The following PTPRD variants were observed in gnomAD, a reference collection of about 807,000 sequenced individuals.
PTPRD encodes the protein receptor-type tyrosine-protein phosphatase delta.
A neutral mutation model predicts 214.5 loss-of-function variants in PTPRD; 34 were observed. The observed-to-expected ratio is 0.16, with a 90% CI of 0.12 to 0.21. The LOEUF is 0.21. Ranked by LOEUF, PTPRD falls within the 10% of genes least tolerant of loss-of-function variation. The pLI, the probability that PTPRD is intolerant of heterozygous loss-of-function variation, is 1.00. For synonymous variants in PTPRD, 1,128 were observed against 845.7 expected (o/e 1.33, Z -5.79); for missense variants, 2,545 against 2,398.7 (o/e 1.06, Z -1.27).
chr9:10,328,112 C>G (rs569776428), intron 3 of PTPRD, among the ~76,000 whole-genome samples: 1 of 151,726 alleles, frequency 6.6e-6, no homozygotes, highest in African/African-American at 2.4e-5. Flanking sequence ...TCAGTTGGCC[C>G]TATACAGATC....
intron 4 of PTPRD, among the ~76,000 whole-genome samples, chr9:9,976,131 C>G (rs2095342001): frequency 2.0e-5 from 3 of 152,114 alleles, no homozygotes; most frequent in Admixed American, 6.6e-5. Flanking sequence ...TCCCCCACAT[C>G]CATATACATC....
intron 12 of PTPRD, among the ~76,000 whole-genome samples, chr9:8,699,741 T>C (rs2098028457): frequency 6.6e-6 from 1 of 151,092 alleles, no homozygotes; most frequent in African/African-American, 2.4e-5. Context: ...AGAATCTTTA[T>C]TGAAAAGAAA....
chr9:8,746,472 GGAAA>G (rs1273002582), intron 11 of PTPRD, among the ~76,000 whole-genome samples: 1 of 152,054 alleles, frequency 6.6e-6, no homozygotes, highest in African/African-American at 2.4e-5. Context: ...TGAGACCTCT[GGAAA>G]GACTTTTTAA....
intron 9 of PTPRD, among the ~76,000 whole-genome samples, chr9:9,373,820 CT>C (rs2060132515): frequency 6.6e-6 from 1 of 151,954 alleles, no homozygotes; most frequent in Non-Finnish European, 1.5e-5. Context: ...TCTCTGGGGA[CT>C]TTTTTCAGCC....
At chr9:9,661,093 C>T (rs1416598225) in intron 7 of PTPRD, among the ~76,000 whole-genome samples, 2 of 151,934 alleles carry the variant, frequency 1.3e-5, no homozygotes, top group Non-Finnish European at 2.9e-5. Flanking sequence ...AAACACTATT[C>T]TATTAATTTT....
chr9:10,409,436 T>A (rs1289942345), intron 2 of PTPRD, among the ~76,000 whole-genome samples: 2 of 151,756 alleles, frequency 1.3e-5, no homozygotes, highest in Non-Finnish European at 2.9e-5. Flanking sequence ...TGTTATCACA[T>A]CACTCAATTT....
chr9:9,066,847 A>C (rs1440464702), intron 10 of PTPRD, among the ~76,000 whole-genome samples: 1 of 152,222 alleles, frequency 6.6e-6, no homozygotes, highest in Non-Finnish European at 1.5e-5. Context: ...ATTTTGACCC[A>C]GTGACTCTGA....
intron 11 of PTPRD, among the ~76,000 whole-genome samples, chr9:8,835,362 C>CCCAAGCA (rs886874491): frequency 6.6e-6 from 1 of 152,196 alleles, no homozygotes; most frequent in Non-Finnish European, 1.5e-5. Flanking sequence ...GAATAACGCA[C>CCCAAGCA]CCAAGCACCA....
intron 7 of PTPRD, among the ~76,000 whole-genome samples, chr9:9,659,068 G>C (rs2096574578): frequency 6.6e-6 from 1 of 151,926 alleles, no homozygotes; most frequent in South Asian, 2.1e-4. Context: ...AAAGAAAAGA[G>C]GTGAAGATAT....
intron 5 of PTPRD, among the ~76,000 whole-genome samples, chr9:9,874,400 A>C (rs756605644): frequency 6.6e-6 from 1 of 152,178 alleles, no homozygotes; most frequent in Non-Finnish European, 1.5e-5. Flanking sequence ...CAGGATATCA[A>C]TATTATATAC....
intron 10 of PTPRD, among the ~76,000 whole-genome samples, chr9:9,128,657 G>A (rs1297111184): frequency 1.3e-5 from 2 of 152,170 alleles, no homozygotes; most frequent in East Asian, 3.8e-4. Context: ...GAGTGTTCAT[G>A]TATACAATAC....
chr9:8,793,991 T>C (rs188860909), intron 11 of PTPRD, among the ~76,000 whole-genome samples: 2 of 152,280 alleles, frequency 1.3e-5, no homozygotes, highest in African/African-American at 4.8e-5. Flanking sequence ...AGCACAGCTG[T>C]GATATTGATA....
intron 8 of PTPRD, among the ~76,000 whole-genome samples, chr9:9,555,069 G>A (rs1191937863): frequency 6.6e-6 from 1 of 151,976 alleles, no homozygotes; most frequent in Non-Finnish European, 1.5e-5. Context: ...AAAGTGGTTT[G>A]TTTAAAGGCA....
chr9:9,438,673 T>A (rs2086277748), intron 8 of PTPRD, among the ~76,000 whole-genome samples: 1 of 152,312 alleles, frequency 6.6e-6, no homozygotes, highest in South Asian at 2.1e-4. Flanking sequence ...CTACTGGATA[T>A]TATGAATTAG....
At chr9:10,388,437 C>G (rs2097970869) in intron 2 of PTPRD, among the ~76,000 whole-genome samples, 1 of 146,356 alleles carries the variant, frequency 6.8e-6, no homozygotes, top group Admixed American at 6.9e-5. Flanking sequence ...ATAGTAGATG[C>G]TTAATGAATA....
At chr9:8,646,554 C>T (rs187404456) in intron 12 of PTPRD, among the ~76,000 whole-genome samples, 1 of 152,090 alleles carries the variant, frequency 6.6e-6, no homozygotes, top group South Asian at 2.1e-4. Flanking sequence ...TGCCTTCTTT[C>T]CCACTTTTGA....
At chr9:9,059,010 A>G (rs992877437) in intron 10 of PTPRD, among the ~76,000 whole-genome samples, 1 of 152,176 alleles carries the variant, frequency 6.6e-6, no homozygotes, top group East Asian at 1.9e-4. Context: ...TAATCTGCCC[A>G]GTAGAACAGG....
chr9:8,506,482 C>G (rs539849181), intron 22 of PTPRD, among the ~76,000 whole-genome samples: 88 of 152,258 alleles, frequency 5.8e-4, no homozygotes, highest in African/African-American at 2.0e-3. Context: ...AGACCCTAAC[C>G]GTTAACAACA....
intron 39 of PTPRD, among the ~76,000 whole-genome samples, chr9:8,351,888 G>A (rs931530010): frequency 6.6e-6 from 1 of 151,870 alleles, no homozygotes; most frequent in Non-Finnish European, 1.5e-5. Flanking sequence ...ACAGAGAAGG[G>A]GCAGAAACTA....
Sources: gnomAD v4.1 joint callset for allele counts (sites outside exome capture counted in the v4.1 genomes callset) on GRCh38, gnomAD v4.1.1 for gene constraint, MANE v1.5 for transcripts, NCBI Gene and HGNC (gene_info 2026-07-23, HGNC 2026-07-21) for gene names.